The following KATNIP variants were observed in gnomAD, a reference collection of about 807,000 sequenced individuals.
KATNIP encodes the protein katanin interacting protein, also known as katanin-interacting protein.
A neutral mutation model predicts 174.0 loss-of-function variants in KATNIP; 126 were observed. The ratio of observed to expected loss-of-function variants is 0.72; its 90% CI spans 0.63 to 0.84. The LOEUF is 0.84. Among genes scored for constraint, KATNIP ranks in the 40% least tolerant of loss-of-function variants. The pLI, the probability that KATNIP is intolerant of heterozygous loss-of-function variation, is 0.00. For synonymous variants in KATNIP, 810 were observed against 835.7 expected (o/e 0.97, Z 0.53); for missense variants, 1,958 against 2,109.7 (o/e 0.93, Z 1.41).
chr16:27,684,460 G>C (rs2078452423), intron 8 of KATNIP, among the ~76,000 whole-genome samples: 2 of 152,168 alleles, frequency 1.3e-5, no homozygotes, highest in African/African-American at 2.4e-5. Context: ...TCAGAGGTTT[G>C]AGTCACTTGT....
rs533252076 is a variant in KATNIP at position 27,700,203 on chromosome 16, C to T, written c.1179+604C>T. ...CTGGGATTACAGGTGTTAGCCACCA[C>T]GCCTGACCTATATTTCTATTTATTG... is the stretch of plus-strand genomic sequence containing the variant. On this transcript the variant is annotated intron_variant, in intron 10 of 27. Transcript: ENST00000261588. Among the ~76,000 whole-genome samples the T allele has an allele frequency of 1.1e-4, 16 of 152,306 alleles. No homozygotes were observed. The East Asian group carries it at 1.2e-3, about 11-fold the overall frequency.
chr16:27,751,502 T>G (rs1481108188), intron 16 of KATNIP, among the ~76,000 whole-genome samples: 2 of 152,198 alleles, frequency 1.3e-5, no homozygotes, highest in Non-Finnish European at 1.5e-5. Context: ...TCACAGTGAT[T>G]CTCATGAAAT....
chr16:27,693,078 A>G (rs2078791487), intron 8 of KATNIP, among the ~76,000 whole-genome samples: 1 of 152,190 alleles, frequency 6.6e-6, no homozygotes, highest in Non-Finnish European at 1.5e-5. Context: ...TGAGTAAGGA[A>G]GATACTGGTG....
rs1490234810 is a variant in KATNIP, at chr16:27,778,578, A to G, written c.4806A>G (p.Leu1602=). The G allele has an allele frequency of 6.2e-7, 1 of 1,613,676 alleles. No individual in the cohort carries two copies. The highest frequency in any genetic ancestry group is 1.1e-5 in the South Asian group (1 of 91,000). ...KRKQSVVDPA[L]RPKTCISEKE... ...CTCTGTTCCCTGTCATGACAGCCTT[A>G]CGTCCCAAAACCTGCATCAGCGAGA... The change falls in exon 28 of 28, where the codon TTA becomes TTG. Residue 1602 remains leucine, a synonymous_variant. Transcript: ENST00000261588.
chr16:27,737,783 T>C lies in KATNIP; in HGVS notation c.1744-2258T>C, dbSNP rs538490283. 2.8e-4 allele frequency among the ~76,000 whole-genome samples: 43 copies of C among 152,296 alleles called. 1 individual carries two copies. The highest frequency in any genetic ancestry group is 9.6e-4 in the African/African-American group (40 of 41,568). On this transcript the variant is annotated intron_variant, in intron 14 of 27. Coordinates refer to ENST00000261588, the MANE Select transcript of KATNIP (RefSeq NM_015202.5). ...CACCCACTCCTAGGAGAAATTCCTA[T>C]TGCGTATGGCAGTCAGCTGGACCCT...
chr16:27,583,666 A>G (rs2090779484), intron 2 of KATNIP, among the ~76,000 whole-genome samples: 1 of 152,206 alleles, frequency 6.6e-6, no homozygotes, highest in Admixed American at 6.5e-5. Context: ...CCCAAGTCTG[A>G]CAAGAGCCAA....
In KATNIP at chr16:27,631,219, G is replaced by T. The variant is rs1476250579; in HGVS notation, c.408+57G>T. The T allele has an allele frequency of 3.8e-6, 5 of 1,331,828 alleles. No individual in the cohort carries two copies. The African/African-American group carries it at 5.8e-5, about 16-fold the overall frequency. 82.5% of individuals were successfully genotyped at this position (1,331,828 alleles called of 1,614,324 possible). On this transcript the variant is annotated intron_variant, in intron 5 of 27. Coordinates refer to ENST00000261588, the MANE Select transcript of KATNIP (RefSeq NM_015202.5). Reference sequence around the variant, plus strand: ...AGAATACAGAGTGTGGGTGGCTGTGGGAATAGAAATACAATCAGAGCATTT... The same window carrying T: ...AGAATACAGAGTGTGGGTGGCTGTGTGAATAGAAATACAATCAGAGCATTT...
At chr16:27,734,902 G>C (rs2080842717) in intron 14 of KATNIP, among the ~76,000 whole-genome samples, 1 of 152,324 alleles carries the variant, frequency 6.6e-6, no homozygotes, top group Non-Finnish European at 1.5e-5. Context: ...GAAGGCATGT[G>C]CCTCAGTTTC....
At chr16:27,732,163 G>A (rs1416235392) in intron 14 of KATNIP, among the ~76,000 whole-genome samples, 2 of 152,224 alleles carry the variant, frequency 1.3e-5, no homozygotes, top group Non-Finnish European at 2.9e-5. Context: ...GACCACCAGT[G>A]TGTGAACTAA....
At chr16:27,561,420 C>G (rs1315114403) in intron 1 of KATNIP, among the ~76,000 whole-genome samples, 1 of 152,144 alleles carries the variant, frequency 6.6e-6, no homozygotes, top group Admixed American at 6.5e-5. Context: ...CCCGCAGCTG[C>G]TTCCTCTGCT....
chr16:27,741,427 G>A (rs2081104092), intron 15 of KATNIP, among the ~76,000 whole-genome samples: 1 of 152,046 alleles, frequency 6.6e-6, no homozygotes, highest in Non-Finnish European at 1.5e-5. Flanking sequence ...GACACAGCGA[G>A]ACTCTGTCTC....
intron 18 of KATNIP, among the ~76,000 whole-genome samples, chr16:27,759,528 G>T (rs2081872941): frequency 6.6e-6 from 1 of 152,202 alleles, no homozygotes. Context: ...GGGCAGCTCT[G>T]GGTGAGCCAG....
At chr16:27,598,131 C>T (rs530755432) in intron 2 of KATNIP, among the ~76,000 whole-genome samples, 5 of 151,964 alleles carry the variant, frequency 3.3e-5, no homozygotes, top group Admixed American at 3.3e-4. Flanking sequence ...TAGGAGGCTA[C>T]TTAGGAGGCT....
chr16:27,754,250 C>A lies in KATNIP; in HGVS notation c.3630C>A (p.Ile1210=). The change falls in exon 18 of 28, where the codon ATC becomes ATA. Residue 1210 remains isoleucine (I), a splice_region_variant and synonymous_variant. Coordinates refer to ENST00000261588, the MANE Select transcript of KATNIP (RefSeq NM_015202.5). ...TTPEPGIYHG[I]CLQLNFTASW... ...CAGAGCCAGGCATCTACCACGGAAT[C>A]TGTGAGTAGCTCTCCTGGAGCAGTG... The A allele has an allele frequency of 6.2e-7, 1 of 1,613,266 alleles. No homozygotes were observed. Among genetic ancestry groups the A allele is most frequent in the Non-Finnish European group, 8.5e-7 (1 of 1,179,136 alleles).
chr16:27,631,511 C>G (rs1166598141), intron 5 of KATNIP, among the ~76,000 whole-genome samples: 1 of 151,278 alleles, frequency 6.6e-6, no homozygotes, highest in Non-Finnish European at 1.5e-5. Context: ...CACCACTGCA[C>G]TCCAGCCTGG....
chr16:27,650,364 T>C (rs1195461795), intron 6 of KATNIP, among the ~76,000 whole-genome samples: 8 of 152,036 alleles, frequency 5.3e-5, no homozygotes, highest in African/African-American at 1.9e-4. Flanking sequence ...AGGGTGGAGG[T>C]AGGAGTGGAT....
At chr16:27,623,698 A>G (rs1223764463) in intron 3 of KATNIP, among the ~76,000 whole-genome samples, 6 of 152,028 alleles carry the variant, frequency 3.9e-5, no homozygotes, top group Non-Finnish European at 7.4e-5. Context: ...CATCCAGGTA[A>G]TTCTTGAATG....
chr16:27,703,792 C>T (rs2079192706), intron 11 of KATNIP, 104 bp from the exon 12 acceptor site: 1 of 890,614 alleles, frequency 1.1e-6, no homozygotes, highest in Non-Finnish European at 1.9e-6. Context: ...CATACTTCCC[C>T]TTCAAATCAT....
At chr16:27,722,906 A>G (rs576064753) in intron 14 of KATNIP, among the ~76,000 whole-genome samples, 1 of 152,316 alleles carries the variant, frequency 6.6e-6, no homozygotes, top group South Asian at 2.1e-4. Flanking sequence ...CCACCATACA[A>G]TTCAAACAAA....
Sources: gnomAD v4.1 joint callset for allele counts (sites outside exome capture counted in the v4.1 genomes callset) on GRCh38, gnomAD v4.1.1 for gene constraint, MANE v1.5 for transcripts, NCBI Gene and HGNC (gene_info 2026-07-23, HGNC 2026-07-21) for gene names.